TPO: variants seen among roughly 807,000 people sequenced by gnomAD.
TPO encodes the protein thyroid microsomal antigen.
TPO carries 78 observed loss-of-function variants against 96.9 expected under a neutral mutation model. The ratio of observed to expected loss-of-function variants is 0.81; its 90% CI spans 0.67 to 0.97. The LOEUF (loss-of-function observed/expected upper bound fraction) is 0.97, where lower values mean the gene tolerates loss of function less well. TPO is among the 50% of genes least tolerant of loss of function. TPO has a pLI of 0.00. For synonymous variants in TPO, 547 were observed against 538.0 expected, an observed-to-expected ratio of 1.02 and a Z score of -0.23; for missense variants, 1,252 against 1,274.8, an observed-to-expected ratio of 0.98 and a Z score of 0.27.
intron 11 of TPO, among the ~76,000 whole-genome samples, chr2:1,494,391 C>G (rs753302774): frequency 6.6e-6 from 1 of 152,374 alleles, no homozygotes; most frequent in East Asian, 1.9e-4. Context: ...CCCGGGAAAG[C>G]GCAGAGGTGG....
intron 7 of TPO, among the ~76,000 whole-genome samples, chr2:1,462,890 C>G (rs1488499822): frequency 1.3e-5 from 2 of 152,156 alleles, no homozygotes; most frequent in Non-Finnish European, 2.9e-5. Flanking sequence ...GAAACACAAG[C>G]AACTTTAGAC....
intron 6 of TPO, 67 bp downstream of exon 6, chr2:1,453,890 G>T: frequency 6.2e-7 from 1 of 1,609,142 alleles, no homozygotes; most frequent in African/African-American, 1.3e-5. Flanking sequence ...GAGGGAAATA[G>T]CCTTTTACTG....
intron 8 of TPO, among the ~76,000 whole-genome samples, chr2:1,484,252 G>A (rs28910606): frequency 0.016 from 2,363 of 152,298 alleles, 61 homozygotes; most frequent in African/African-American, 0.054. Context: ...TGTAGAAAAA[G>A]GAACTGCTCC....
intron 14 of TPO, among the ~76,000 whole-genome samples, chr2:1,507,856 C>T (rs1200255997): frequency 1.3e-5 from 2 of 151,958 alleles, no homozygotes; most frequent in African/African-American, 4.8e-5. Context: ...TTCCTCTTTT[C>T]CTAATTGAAT....
chr2:1,474,927 A>T (rs1669757909), intron 7 of TPO, among the ~76,000 whole-genome samples: 9 of 152,124 alleles, frequency 5.9e-5, no homozygotes, highest in Admixed American at 5.9e-4. Flanking sequence ...TTTCTCATTT[A>T]TTTGTGCTTT....
At chr2:1,499,362 A>G (rs1384792376) in intron 13 of TPO, among the ~76,000 whole-genome samples, 4 of 151,946 alleles carry the variant, frequency 2.6e-5, no homozygotes, top group Non-Finnish European at 5.9e-5. Flanking sequence ...TGTTCTTGAA[A>G]TTTTTTCATT....
intron 14 of TPO, among the ~76,000 whole-genome samples, chr2:1,510,679 G>C (rs1674011858): frequency 6.6e-6 from 1 of 152,156 alleles, no homozygotes; most frequent in Non-Finnish European, 1.5e-5. Flanking sequence ...TCTTCCTCCT[G>C]GGCCCCCTTT....
chr2:1,431,540 G>A (rs1410187635), intron 3 of TPO, among the ~76,000 whole-genome samples: 2 of 152,128 alleles, frequency 1.3e-5, no homozygotes, highest in Non-Finnish European at 2.9e-5. Flanking sequence ...GCAAAATGAT[G>A]TTTTGATATA....
chr2:1,463,690 G>A (rs371968960), intron 7 of TPO, among the ~76,000 whole-genome samples: 1 of 152,166 alleles, frequency 6.6e-6, no homozygotes, highest in Non-Finnish European at 1.5e-5. Flanking sequence ...TCATGACCTT[G>A]CTCCTTCTGG....
intron 15 of TPO, among the ~76,000 whole-genome samples, chr2:1,528,794 T>C (rs1248831216): frequency 1.4e-3 from 62 of 43,708 alleles, no homozygotes; most frequent in Middle Eastern, 0.021. Context: ...TGCAACCTCC[T>C]CCAATCCCCC....
intron 5 of TPO, chr2:1,438,701 C>T (rs1224790858): frequency 4.6e-6 from 3 of 647,148 alleles, no homozygotes; most frequent in African/African-American, 3.7e-5. Flanking sequence ...CTTGGGGAAT[C>T]CCTGAGCAAA....
intron 1 of TPO, among the ~76,000 whole-genome samples, chr2:1,380,393 C>CAAAA (rs35109677): frequency 1.1e-5 from 1 of 94,970 alleles, no homozygotes; most frequent in African/African-American, 4.1e-5. Context: ...GACTCTGTCT[C>CAAAA]AAAAAAAAAA....
Position 1,458,679 on chromosome 2 carries a change from T to C in TPO, c.819+2397T>C, listed in dbSNP as rs114062538. 6.1e-3 allele frequency among the ~76,000 whole-genome samples: 933 copies of C among 152,300 alleles called. 14 individuals carry two copies. The highest frequency in any genetic ancestry group is 0.02 in the African/African-American group (826 of 41,530). Reference sequence around the variant, plus strand: ...TAAATAGAGCCTATTATCCCATGTGTACCTGCACTTTTTCTCATCCTCTGT... The same window carrying C: ...TAAATAGAGCCTATTATCCCATGTGCACCTGCACTTTTTCTCATCCTCTGT... On this transcript the variant is annotated intron_variant, in intron 7 of 16. Coordinates refer to ENST00000329066, the MANE Select transcript of TPO (RefSeq NM_001206744.2).
At chr2:1,491,414 G>GT (rs1671762272) in intron 10 of TPO, among the ~76,000 whole-genome samples, 1 of 152,064 alleles carries the variant, frequency 6.6e-6, no homozygotes. Context: ...TAACTTCGTT[G>GT]TTTTTTCTTT....
chr2:1,389,639 G>A (rs1661965511), intron 1 of TPO, among the ~76,000 whole-genome samples: 2 of 152,196 alleles, frequency 1.3e-5, no homozygotes, highest in South Asian at 4.2e-4. Flanking sequence ...CCCAAGCCAT[G>A]GCATGCTCTT....
intron 16 of TPO, chr2:1,541,200 G>A: frequency 2.6e-6 from 3 of 1,168,906 alleles, no homozygotes; most frequent in Non-Finnish European, 3.2e-6. Flanking sequence ...TTTGAACTGA[G>A]AGAAGCAGAG....
At chr2:1,472,802 TCA>T (rs1363549444) in intron 7 of TPO, among the ~76,000 whole-genome samples, 1 of 143,512 alleles carries the variant, frequency 7.0e-6, no homozygotes, top group Non-Finnish European at 1.5e-5. Flanking sequence ...TGTTTTTTTC[TCA>T]TTTTTTTCTG....
chr2:1,503,993 C>T lies in TPO; in HGVS notation c.2432C>T (p.Ser811Phe), dbSNP rs1188497225. The change falls in exon 14 of 17, where the codon TCT becomes TTT. Residue 811 changes from serine (S) to phenylalanine (F), a missense_variant. Ser to Phe is a radical substitution (Grantham distance 155). Transcript: ENST00000329066. ...GGTGCCCACCCCCCCTGCCACGCCT[C>T]TGCGAGGTGCAGAAACACCAAAGGC... ...ADGAHPPCHA[S>F]ARCRNTKGGF... The T allele has an allele frequency of 6.2e-7, 1 of 1,614,220 alleles. No individual in the cohort carries two copies. Among genetic ancestry groups the T allele is most frequent in the South Asian group, 1.1e-5 (1 of 91,086 alleles).
intron 5 of TPO, among the ~76,000 whole-genome samples, chr2:1,440,071 G>A (rs1396099599): frequency 6.6e-6 from 1 of 151,390 alleles, no homozygotes; most frequent in Non-Finnish European, 1.5e-5. Context: ...TGTCTGGGCT[G>A]GTGCTGCATT....
Sources: allele counts gnomAD v4.1 joint callset (sites outside exome capture counted in the v4.1 genomes callset), GRCh38; gene constraint gnomAD v4.1.1; transcripts MANE v1.5; gene names NCBI Gene and HGNC (gene_info 2026-07-23, HGNC 2026-07-21).